The following DMD variants were observed in gnomAD, a reference collection of about 807,000 sequenced individuals.
DMD encodes dystrophin, also known as mutant dystrophin.
Under a neutral mutation model 330.1 loss-of-function variants are expected in DMD, and 63 were observed. That is an observed-to-expected ratio of 0.19 (90% CI 0.16 to 0.24). The LOEUF (loss-of-function observed/expected upper bound fraction) is 0.24, where lower values mean the gene tolerates loss of function less well. Among genes scored for constraint, DMD ranks in the 10% least tolerant of loss-of-function variants. The probability of loss-of-function intolerance (pLI) is 1.00; values close to 1 mark genes in which losing one functional copy is unlikely to be tolerated. For missense variants in DMD, 3,344 were observed against 2,684.1 expected (o/e 1.25, Z -5.43); for synonymous variants, 1,223 against 959.8 (o/e 1.27, Z -5.07).
At chrX:32,947,851 G>A (rs2090928421) in intron 2 of DMD, among the ~76,000 whole-genome samples, 1 of 111,020 alleles carries the variant, frequency 9.0e-6, no homozygotes, top group Non-Finnish European at 1.9e-5. Flanking sequence ...GGGGTGGAGC[G>A]GAAACCCAGC....
chrX:33,050,934 A>G (rs2094448265), intron 1 of DMD, among the ~76,000 whole-genome samples: 1 of 111,610 alleles, frequency 9.0e-6, no homozygotes, highest in African/African-American at 3.3e-5. Context: ...TTAGATGTCA[A>G]GTCTACCCAT....
intron 2 of DMD, among the ~76,000 whole-genome samples, chrX:32,867,169 TAAAAAA>T (rs35927892): frequency 2.0e-5 from 2 of 102,392 alleles, no homozygotes; most frequent in African/African-American, 7.1e-5. Flanking sequence ...TTGGAGAAGT[TAAAAAA>T]AAAAAAAAGT....
At chrX:32,822,812 A>T (rs2078385238) in intron 5 of DMD, among the ~76,000 whole-genome samples, 1 of 111,113 alleles carries the variant, frequency 9.0e-6, no homozygotes, top group African/African-American at 3.3e-5. Context: ...AGGTGACTTA[A>T]AAATAATTTC....
intron 55 of DMD, among the ~76,000 whole-genome samples, chrX:31,552,340 G>GT (rs1193344559): frequency 1.8e-5 from 2 of 111,251 alleles, no homozygotes; most frequent in African/African-American, 6.5e-5. Context: ...ACCCAGCTAA[G>GT]TTTTTTATTT....
chrX:32,523,844 T>C (rs2046670415), intron 17 of DMD, among the ~76,000 whole-genome samples: 1 of 111,466 alleles, frequency 9.0e-6, no homozygotes, highest in South Asian at 3.8e-4. Context: ...GTAACTGTTA[T>C]ACCACCACCT....
chrX:31,763,891 T>C (rs1350255034), intron 51 of DMD, among the ~76,000 whole-genome samples: 1 of 111,589 alleles, frequency 9.0e-6, no homozygotes, highest in Admixed American at 9.6e-5. Context: ...TTATTCTTTT[T>C]TAGAAATGGA....
At chrX:33,303,312 C>T (rs2053695970) in intron 1 of DMD, among the ~76,000 whole-genome samples, 1 of 110,646 alleles carries the variant, frequency 9.0e-6, no homozygotes, top group Non-Finnish European at 1.9e-5. Flanking sequence ...ATATAACAAG[C>T]CAAAATAAGC....
At chrX:31,682,191 C>A (rs111860796) in intron 52 of DMD, among the ~76,000 whole-genome samples, 1 of 111,982 alleles carries the variant, frequency 8.9e-6, no homozygotes, top group South Asian at 3.7e-4. Context: ...ATATAGTCCC[C>A]AGAATAATTA....
rs73621885 is a variant in DMD at position 33,160,286 on chromosome X, G to A, written c.31+50996C>T. On this transcript the variant is annotated intron_variant, in intron 1 of 78. Coordinates refer to ENST00000357033, the MANE Select transcript of DMD (RefSeq NM_004006.3). ...TTGGAACATAACCCCACTGTAAGTC[G>A]AGGGATATCAGCAACGCGTTTAGGA... Among the ~76,000 whole-genome samples, 781 of 111,483 alleles carry A rather than the reference G, an allele frequency of 7.0e-3. 3 individuals are homozygous for A. Among genetic ancestry groups the A allele is most frequent in the African/African-American group, 0.024 (746 of 30,668 alleles).
At chrX:32,089,325 T>A (rs1487525037) in intron 44 of DMD, among the ~76,000 whole-genome samples, 1 of 111,640 alleles carries the variant, frequency 9.0e-6, no homozygotes, top group African/African-American at 3.3e-5. Context: ...CACGTGCAGG[T>A]TTGCTATACA....
intron 29 of DMD, among the ~76,000 whole-genome samples, chrX:32,422,052 T>G (rs772058746): frequency 9.0e-6 from 1 of 111,313 alleles, no homozygotes; most frequent in Non-Finnish European, 1.9e-5. Flanking sequence ...GGAAAACCAC[T>G]TTTTCCTCTG....
intron 55 of DMD, among the ~76,000 whole-genome samples, chrX:31,606,090 C>T (rs760887671): frequency 9.0e-6 from 1 of 110,840 alleles, no homozygotes; most frequent in Non-Finnish European, 1.9e-5. Flanking sequence ...CTCATGATAG[C>T]GGGATCTGAT....
intron 60 of DMD, among the ~76,000 whole-genome samples, chrX:31,398,585 A>C (rs973724529): frequency 1.8e-5 from 2 of 112,476 alleles, no homozygotes; most frequent in African/African-American, 6.5e-5. Flanking sequence ...CACTGTGCCC[A>C]GCCAGGAGGA....
At chrX:32,473,139 CAGAG>C (rs1465562136) in intron 21 of DMD, among the ~76,000 whole-genome samples, 1 of 111,047 alleles carries the variant, frequency 9.0e-6, no homozygotes, top group Non-Finnish European at 1.9e-5. Flanking sequence ...GAGAACGCTG[CAGAG>C]AACTGTAAAC....
At chrX:31,581,975 C>G (rs977868155) in intron 55 of DMD, among the ~76,000 whole-genome samples, 2 of 111,761 alleles carry the variant, frequency 1.8e-5, no homozygotes, top group Non-Finnish European at 3.8e-5. Context: ...CCAGTGCCAC[C>G]ATTTTGTAGC....
At chrX:32,050,974 C>CTTTTTTTTT (rs761835866) in intron 44 of DMD, among the ~76,000 whole-genome samples, 33 of 78,157 alleles carry the variant, frequency 4.2e-4, no homozygotes, top group African/African-American at 1.2e-3. Flanking sequence ...CTAACTTCCT[C>CTTTTTTTTT]TTTTTTTTTT....
intron 61 of DMD, among the ~76,000 whole-genome samples, chrX:31,323,926 AC>A (rs902630597): frequency 6.3e-5 from 7 of 111,021 alleles, no homozygotes; most frequent in African/African-American, 2.0e-4. Context: ...CAGATAAGAA[AC>A]TGAATGAGTA....
At chrX:31,396,215 G>C (rs2060924327) in intron 60 of DMD, among the ~76,000 whole-genome samples, 1 of 105,431 alleles carries the variant, frequency 9.5e-6, no homozygotes, top group Non-Finnish European at 1.9e-5. Flanking sequence ...TCGGCTCACT[G>C]CAAGCTCCGC....
chrX:31,132,738 G>T (rs899241684), intron 77 of DMD, among the ~76,000 whole-genome samples: 1 of 110,687 alleles, frequency 9.0e-6, no homozygotes, highest in Non-Finnish European at 1.9e-5. Context: ...AAGCAAGCAG[G>T]ACAAAGTAAT....
Sources: allele counts gnomAD v4.1 joint callset (sites outside exome capture counted in the v4.1 genomes callset), GRCh38; gene constraint gnomAD v4.1.1; transcripts MANE v1.5; gene names NCBI Gene and HGNC (gene_info 2026-07-23, HGNC 2026-07-21).